Variants in SAMD4A observed in about 807,000 individuals in gnomAD.
SAMD4A encodes the protein sterile alpha motif domain containing 4A.
In SAMD4A, 33 loss-of-function variants were observed where a neutral mutation model predicts 81.3. The observed-to-expected ratio is 0.41, with a 90% CI of 0.31 to 0.54. SAMD4A has a LOEUF of 0.54. Ranked by LOEUF, SAMD4A falls within the 20% of genes least tolerant of loss-of-function variation. SAMD4A has a pLI of 0.37. For missense variants in SAMD4A, 854 were observed against 951.1 expected (o/e 0.90, Z 1.34); for synonymous variants, 389 against 382.1 (o/e 1.02, Z -0.21).
At position 54,760,390 on chromosome 14, in the gene SAMD4A, G is replaced by T. The variant is rs1383005006; in HGVS notation, c.1406G>T (p.Gly469Val). The change falls in exon 7 of 13, where the codon GGG (glycine) becomes GTG (valine). Residue 469 changes from glycine to valine, a missense_variant. By Grantham distance (109) the Gly-to-Val change is moderately radical. Around this residue, in one of 3 missense-constraint regions of SAMD4A, gnomAD observed 428 missense variants for 471.2 expected, o/e 0.91. Coordinates refer to ENST00000554335, the MANE Select transcript of SAMD4A (RefSeq NM_015589.6). ...ATATPSAGAS[G>V]GLQPHQLSSC... is the part of the protein sequence containing the mutation. ...GCCACCCCCTCGGCCGGGGCCAGCG[G>T]GGGGCTCCAGCCGCACCAGCTGAGC... is the stretch of plus-strand genomic sequence containing the variant. The T allele has an allele frequency of 6.6e-7, 1 of 1,506,516 alleles. No individual in the cohort carries two copies. The highest frequency in any genetic ancestry group is 2.5e-5 in the East Asian group (1 of 40,006). The allele number at this position is 1,506,516 out of a possible 1,614,324, so 93.3% of individuals were successfully genotyped here. A position where few individuals can be genotyped will look rare whatever the true frequency, so the allele number is the denominator to read the frequency against.
chr14:54,746,927 G>A (rs1025423941), intron 4 of SAMD4A, among the ~76,000 whole-genome samples: 2 of 152,218 alleles, frequency 1.3e-5, no homozygotes, highest in African/African-American at 4.8e-5. Context: ...GTTAAAATCA[G>A]TGCCGCTCAC....
chr14:54,680,440 T>C (rs2140566771), intron 2 of SAMD4A, among the ~76,000 whole-genome samples: 1 of 152,340 alleles, frequency 6.6e-6, no homozygotes, highest in East Asian at 1.9e-4. Context: ...GAGTAGATGA[T>C]GTTTAGGGTT....
chr14:54,683,853 A>T (rs2036187754), intron 2 of SAMD4A, among the ~76,000 whole-genome samples: 1 of 152,206 alleles, frequency 6.6e-6, no homozygotes, highest in African/African-American at 2.4e-5. Context: ...ATATGAGATC[A>T]TCCGTATGGG....
At chr14:54,765,736 G>C (rs144280453) in intron 8 of SAMD4A, among the ~76,000 whole-genome samples, 1 of 152,176 alleles carries the variant, frequency 6.6e-6, no homozygotes. Flanking sequence ...CCAGCACAGC[G>C]GCCAGGCCCC....
intron 12 of SAMD4A, among the ~76,000 whole-genome samples, chr14:54,786,916 G>C (rs534396918): frequency 1.3e-5 from 2 of 152,194 alleles, no homozygotes; most frequent in Admixed American, 1.3e-4. Context: ...TTTTCCCAAT[G>C]ATCTCCTCTG....
chr14:54,717,474 T>C (rs554144750), intron 3 of SAMD4A, among the ~76,000 whole-genome samples: 1 of 151,854 alleles, frequency 6.6e-6, no homozygotes, highest in East Asian at 1.9e-4. Flanking sequence ...ATTTTTTTCA[T>C]GCCTATGATG....
At chr14:54,568,493 G>A (rs1194206991) in intron 2 of SAMD4A, among the ~76,000 whole-genome samples, 3 of 151,512 alleles carry the variant, frequency 2.0e-5, no homozygotes, top group Non-Finnish European at 4.4e-5. Context: ...TGGGCAACGT[G>A]GCTCGCTGGA....
chr14:54,719,826 A>G (rs1220557821), intron 3 of SAMD4A, among the ~76,000 whole-genome samples: 1 of 152,182 alleles, frequency 6.6e-6, no homozygotes, highest in African/African-American at 2.4e-5. Context: ...CTGGGTTTAC[A>G]TACAGTCTTT....
intron 2 of SAMD4A, among the ~76,000 whole-genome samples, chr14:54,626,353 T>C (rs1373898845): frequency 6.6e-6 from 1 of 152,164 alleles, no homozygotes; most frequent in Non-Finnish European, 1.5e-5. Flanking sequence ...AGTTCTAATT[T>C]AGTGATAATG....
chr14:54,596,842 G>T (rs529356486), intron 2 of SAMD4A, among the ~76,000 whole-genome samples: 130 of 152,276 alleles, frequency 8.5e-4, no homozygotes, highest in South Asian at 2.3e-3. Flanking sequence ...GTGGAGAGTG[G>T]TTCTTGGTGG....
chr14:54,701,085 AC>A (rs1339136192), intron 2 of SAMD4A: 1 of 149,182 alleles, frequency 6.7e-6, no homozygotes, highest in African/African-American at 2.5e-5. Context: ...TGCAGCCTCG[AC>A]CTCTGAAGCT....
chr14:54,774,626 G>A (rs1354653255), intron 9 of SAMD4A, among the ~76,000 whole-genome samples: 2 of 149,666 alleles, frequency 1.3e-5, no homozygotes, highest in Non-Finnish European at 3.0e-5. Flanking sequence ...ACCAGCCTGG[G>A]CGACATAGTG....
At chr14:54,713,625 T>G (rs11628843) in intron 3 of SAMD4A, among the ~76,000 whole-genome samples, 39,668 of 152,112 alleles carry the variant, frequency 0.26, 6,222 homozygotes, top group African/African-American at 0.43. Flanking sequence ...CTTTAGAGAT[T>G]TGTTTCACAG....
intron 2 of SAMD4A, among the ~76,000 whole-genome samples, chr14:54,644,538 A>G (rs1255725456): frequency 6.6e-6 from 1 of 152,214 alleles, no homozygotes; most frequent in Non-Finnish European, 1.5e-5. Context: ...AAGAGGCTAC[A>G]TGCAATTAGT....
intron 2 of SAMD4A, among the ~76,000 whole-genome samples, chr14:54,626,021 T>C (rs899228056): frequency 1.4e-5 from 1 of 70,440 alleles, no homozygotes; most frequent in African/African-American, 6.5e-5. Context: ...GCTAGGTGTG[T>C]GTGTGTGTGT....
intron 2 of SAMD4A, among the ~76,000 whole-genome samples, chr14:54,644,836 C>G (rs1257845322): frequency 1.3e-5 from 2 of 152,038 alleles, no homozygotes; most frequent in East Asian, 3.9e-4. Flanking sequence ...GCAAGTCTTG[C>G]CTTCAGTATC....
At chr14:54,587,104 C>T (rs113431246) in intron 2 of SAMD4A, among the ~76,000 whole-genome samples, 29 of 152,232 alleles carry the variant, frequency 1.9e-4, no homozygotes, top group African/African-American at 6.0e-4. Context: ...TGATTTCTTT[C>T]AGCAGTGTTT....
rs928323888 is a variant in SAMD4A, at chr14:54,567,308, C to G, written c.-452C>G. 2 of 152,258 alleles carry G rather than the reference C, an allele frequency of 1.3e-5. No individual in the cohort carries two copies. Among genetic ancestry groups the G allele is most frequent in the South Asian group, 4.1e-4 (2 of 4,836 alleles). 9.4% of individuals were successfully genotyped at this position (152,258 alleles called of 1,614,324 possible). On this transcript the variant is annotated 5_prime_UTR_variant, in exon 1 of 13. Coordinates refer to ENST00000554335, the MANE Select transcript of SAMD4A (RefSeq NM_015589.6). Reference sequence around the variant, plus strand: ...TGGGAAGCAGGCTTCTCGCTGTTACCCGGTGGGGAATAGCCCATCTCCCAC... The same window carrying G: ...TGGGAAGCAGGCTTCTCGCTGTTACGCGGTGGGGAATAGCCCATCTCCCAC...
intron 2 of SAMD4A, among the ~76,000 whole-genome samples, chr14:54,633,031 C>T (rs2034942351): frequency 6.6e-6 from 1 of 152,128 alleles, no homozygotes; most frequent in South Asian, 2.1e-4. Flanking sequence ...AGAATAAATT[C>T]TTAGAAGTAG....
Sources: allele counts gnomAD v4.1 joint callset (sites outside exome capture counted in the v4.1 genomes callset), GRCh38; gene constraint gnomAD v4.1.1; regional missense constraint gnomAD v4.1.1; transcripts MANE v1.5; gene names NCBI Gene and HGNC (gene_info 2026-07-23, HGNC 2026-07-21).